The following SFXN2 variants were observed in gnomAD, a reference collection of about 807,000 sequenced individuals.
SFXN2 encodes the protein sideroflexin-2.
In SFXN2, 37 loss-of-function variants were observed where a neutral mutation model predicts 41.9. That is an observed-to-expected ratio of 0.88 (90% confidence interval 0.68 to 1.16). The LOEUF (loss-of-function observed/expected upper bound fraction) is 1.16. Ranked by LOEUF, SFXN2 falls within the 50% of genes most tolerant of loss-of-function variation. SFXN2 has a pLI of 0.00. For synonymous variants in SFXN2, 150 were observed against 156.7 expected (o/e 0.96, Z 0.32); for missense variants, 386 against 425.2 (o/e 0.91, Z 0.81).
Position 102,740,716 on chromosome 10 carries a change from A to G in SFXN2, c.*2954A>G, listed in dbSNP as rs1207771316. 6.6e-6 allele frequency: 1 copy of G among 152,178 alleles called. No homozygotes were observed. The highest frequency in any genetic ancestry group is 1.5e-5 in the Non-Finnish European group (1 of 68,034). 9.4% of individuals were successfully genotyped at this position (152,178 alleles called of 1,614,324 possible). ...TTCTTTCCTTAGGATAATGTTTTCAAGGTTCATCCATGTTGTAGCATATGC... is the reference window on the plus strand; with the variant it reads ...TTCTTTCCTTAGGATAATGTTTTCAGGGTTCATCCATGTTGTAGCATATGC... On this transcript the variant is annotated 3_prime_UTR_variant, in exon 12 of 12. Coordinates refer to ENST00000369893, the MANE Select transcript of SFXN2 (RefSeq NM_178858.6).
At position 102,728,445 on chromosome 10, in the gene SFXN2, T is replaced by C. The variant is rs776515133; in HGVS notation, c.347T>C (p.Val116Ala). 23 of 1,613,980 alleles carry C rather than the reference T, an allele frequency of 1.4e-5. No homozygotes were observed. Among genetic ancestry groups the C allele is most frequent in the Non-Finnish European group, 1.9e-5 (23 of 1,179,970 alleles). The change falls in exon 4 of 12, where the codon GTG becomes GCG. Residue 116 changes from valine (V) to alanine (A), a missense_variant. Transcript: ENST00000369893. ...CTCACTGGTAGGACGATGCCGGCGG[T>C]GATCTTCTGGCAGTGGGTGAACCAG... ...MLQFYRTMPA[V>A]IFWQWVNQSF...
At chr10:102,735,685 T>C (rs533735589) in intron 10 of SFXN2, among the ~76,000 whole-genome samples, 177 bp from the exon 11 acceptor site, 1 of 152,300 alleles carries the variant, frequency 6.6e-6, no homozygotes, top group South Asian at 2.1e-4. Flanking sequence ...TTTATCCCCC[T>C]GCCAGAATGA....
intron 10 of SFXN2, 130 bp downstream of exon 10, chr10:102,733,733 C>G: frequency 2.6e-6 from 2 of 762,880 alleles, no homozygotes; most frequent in Middle Eastern, 2.4e-4. Context: ...CTCAGAATAC[C>G]TGTGGTCCAT....
At chr10:102,728,406 C>T (rs2064642395) in intron 3 of SFXN2, 25 bp from the exon 4 acceptor site, 1 of 1,609,612 alleles carries the variant, frequency 6.2e-7, no homozygotes, top group East Asian at 2.2e-5. Context: ...TTCTCTCTGC[C>T]TCTCCTGGCC....
At chr10:102,729,956 C>A in intron 6 of SFXN2, 148 bp downstream of exon 6, 1 of 845,940 alleles carries the variant, frequency 1.2e-6, no homozygotes, top group Non-Finnish European at 1.8e-6. Context: ...GGATTGGCAG[C>A]TCCCATGGTG....
intron 9 of SFXN2, 59 bp from the exon 10 acceptor site, chr10:102,733,495 G>A: frequency 2.1e-6 from 3 of 1,409,324 alleles, no homozygotes; most frequent in South Asian, 1.2e-5. Context: ...GCAGGGTTGG[G>A]GTTCACCTTA....
At chr10:102,716,076 A>C (rs2064406987) in intron 1 of SFXN2, among the ~76,000 whole-genome samples, 1 of 151,868 alleles carries the variant, frequency 6.6e-6, no homozygotes, top group Non-Finnish European at 1.5e-5. Context: ...CCTATAATCT[A>C]CTCATCTCCA....
intron 1 of SFXN2, among the ~76,000 whole-genome samples, chr10:102,724,613 A>C (rs968210292): frequency 1.3e-5 from 2 of 152,018 alleles, no homozygotes; most frequent in Admixed American, 1.3e-4. Flanking sequence ...GAGGCAGGAG[A>C]ACCACTTGAA....
In SFXN2 at chr10:102,738,313, T is replaced by C. The variant is rs1467931004; in HGVS notation, c.*551T>C. 1.3e-5 allele frequency: 2 copies of C among 152,332 alleles called. No homozygotes were observed. Among genetic ancestry groups the C allele is most frequent in the East Asian group, 1.9e-4 (1 of 5,200 alleles). The allele number at this position is 152,332 out of a possible 1,614,324, so 9.4% of individuals were successfully genotyped here. A position where few individuals can be genotyped will look rare whatever the true frequency, so the allele number is the denominator to read the frequency against. ...TCAGGCAGCTTCTTTTTTTTTTTTT[T>C]CAAGATGGAGTCTTGCTCTGTCGCC... On this transcript the variant is annotated 3_prime_UTR_variant, in exon 12 of 12. Coordinates refer to ENST00000369893, the MANE Select transcript of SFXN2 (RefSeq NM_178858.6).
intron 1 of SFXN2, among the ~76,000 whole-genome samples, chr10:102,724,671 C>T (rs1159059167): frequency 6.6e-6 from 1 of 151,968 alleles, no homozygotes; most frequent in African/African-American, 2.4e-5. Flanking sequence ...CATTGTACTC[C>T]AGCCTGGTGG....
At chr10:102,736,840 C>T (rs1225983264) in intron 11 of SFXN2, among the ~76,000 whole-genome samples, 2 of 151,566 alleles carry the variant, frequency 1.3e-5, no homozygotes, top group African/African-American at 4.8e-5. Context: ...CGTGAGCCAC[C>T]GTTCCCCGTT....
Position 102,741,648 on chromosome 10 carries a change from TCA to T in SFXN2, c.*3887_*3888del, listed in dbSNP as rs1842785946. 6.6e-6 allele frequency: 1 copy of T among 152,234 alleles called. No homozygotes were observed. The highest frequency in any genetic ancestry group is 2.4e-5 in the African/African-American group (1 of 41,456). 9.4% of individuals were successfully genotyped at this position (152,234 alleles called of 1,614,324 possible). A position where few individuals can be genotyped will look rare whatever the true frequency, so the allele number is the denominator to read the frequency against. ...TTGAACCCCTGACCTCAAGCAATCC[TCA>T]TGCCTTGGCCTCCCAAAGTGTTGGG... On this transcript the variant is annotated 3_prime_UTR_variant, in exon 12 of 12. Transcript: ENST00000369893.
intron 1 of SFXN2, among the ~76,000 whole-genome samples, chr10:102,720,321 A>C (rs1403483408): frequency 2.5e-5 from 3 of 119,180 alleles, no homozygotes; most frequent in Non-Finnish European, 5.3e-5. Flanking sequence ...AAAAAAACCC[A>C]TGGCAGGACC....
At chr10:102,737,008 T>C (rs1035034067) in intron 11 of SFXN2, among the ~76,000 whole-genome samples, 3 of 151,798 alleles carry the variant, frequency 2.0e-5, no homozygotes, top group Non-Finnish European at 4.4e-5. Context: ...TACAAAATTA[T>C]CTGGGTGTGG....
Position 102,741,579 on chromosome 10 carries a change from A to AT in SFXN2, c.*3823dup, listed in dbSNP as rs1011378909. On this transcript the variant is annotated 3_prime_UTR_variant, in exon 12 of 12. Coordinates refer to ENST00000369893, the MANE Select transcript of SFXN2 (RefSeq NM_178858.6). ...GCCACCATGCCCAGCTAATTTTTAA[A>AT]TTTTTTGTAGACAGAGGGCCTCACT... 4 of 152,148 alleles carry AT rather than the reference A, an allele frequency of 2.6e-5. No homozygotes were observed. The highest frequency in any genetic ancestry group is 9.7e-5 in the African/African-American group (4 of 41,430). 9.4% of individuals were successfully genotyped at this position (152,148 alleles called of 1,614,324 possible).
rs535643463 is a variant in SFXN2 at position 102,723,479 on chromosome 10, C to T, written c.-25-3133C>T. Among the ~76,000 whole-genome samples, 18 of 151,788 alleles carry T rather than the reference C, an allele frequency of 1.2e-4. 1 individual carries two copies. Among genetic ancestry groups the T allele is most frequent in the South Asian group, 1.0e-3 (5 of 4,788 alleles). On this transcript the variant is annotated intron_variant, in intron 1 of 11. Coordinates refer to ENST00000369893, the MANE Select transcript of SFXN2 (RefSeq NM_178858.6). ...CTTGGTCAGGCTGGTCTCAAACTCC[C>T]GACCTCAGGTGATCCAACCGCCTCG...
chr10:102,717,339 G>T (rs1310917222), intron 1 of SFXN2, among the ~76,000 whole-genome samples: 1 of 152,080 alleles, frequency 6.6e-6, no homozygotes, highest in Non-Finnish European at 1.5e-5. Flanking sequence ...CACAGGGTTA[G>T]CCAGGATGGT....
intron 1 of SFXN2, among the ~76,000 whole-genome samples, chr10:102,718,572 C>T (rs185258693): frequency 3.7e-4 from 57 of 152,362 alleles, no homozygotes; most frequent in African/African-American, 1.3e-3. Flanking sequence ...TTTCTGTCTG[C>T]CTTCTGACTT....
intron 6 of SFXN2, 90 bp from the exon 7 acceptor site, chr10:102,731,633 G>C (rs953475016): frequency 9.0e-7 from 1 of 1,107,678 alleles, no homozygotes; most frequent in African/African-American, 1.5e-5. Context: ...TGGAGCTTAA[G>C]TGGCCTGGCC....
Sources: allele counts gnomAD v4.1 joint callset (sites outside exome capture counted in the v4.1 genomes callset), GRCh38; gene constraint gnomAD v4.1.1; transcripts MANE v1.5; gene names NCBI Gene and HGNC (gene_info 2026-07-23, HGNC 2026-07-21).